SLC16A7: variants seen among roughly 807,000 people sequenced by gnomAD.
SLC16A7 encodes solute carrier family 16 member 7.
In SLC16A7, 33 loss-of-function variants were observed where a neutral mutation model predicts 34.9. The observed-to-expected ratio is 0.94, with a 90% confidence interval of 0.72 to 1.26. SLC16A7 has a LOEUF of 1.26. Among genes scored for constraint, SLC16A7 ranks in the 50% most tolerant of loss-of-function variants. The pLI, the probability that SLC16A7 is intolerant of heterozygous loss-of-function variation, is 0.00. For missense variants in SLC16A7, 573 were observed against 578.1 expected (o/e 0.99, Z 0.09); for synonymous variants, 201 against 206.6 (o/e 0.97, Z 0.23).
At position 59,771,332 on chromosome 12, in the gene SLC16A7, C is replaced by T; in HGVS notation, c.331C>T (p.Gln111Ter). The change falls in exon 4 of 6, where the codon CAG becomes TAG. Residue 111 changes from glutamine to a stop codon, truncating the protein, a stop_gained. Coordinates refer to ENST00000547379, the MANE Select transcript of SLC16A7 (RefSeq NM_001270623.2). LOFTEE classifies it high-confidence loss of function. The stretch of plus-strand genomic sequence containing the variant: ...GGCCTCCTTTAGTAGCAGCGTGGTA[C>T]AGCTGTACCTCACTATGGGATTCAT... ...VLASFSSSVVQLYLTMGFITG... is the reference protein window; with the variant it reads ...VLASFSSSVV 6.2e-7 allele frequency: 1 copy of T among 1,610,952 alleles called. No homozygotes were observed. The highest frequency in any genetic ancestry group is 8.5e-7 in the Non-Finnish European group (1 of 1,178,440).
chr12:59,778,135 T>C, intron 5 of SLC16A7, among the ~76,000 whole-genome samples: 1 of 152,138 alleles, frequency 6.6e-6, no homozygotes, highest in South Asian at 2.1e-4. Flanking sequence ...TTAGAAAGTA[T>C]GCTGATGTGG....
At chr12:59,777,469 G>A (rs1278950272) in intron 5 of SLC16A7, among the ~76,000 whole-genome samples, 1 of 151,984 alleles carries the variant, frequency 6.6e-6, no homozygotes, top group Non-Finnish European at 1.5e-5. Context: ...GGAGTGTGTG[G>A]TTTCTATTTC....
intron 5 of SLC16A7, among the ~76,000 whole-genome samples, chr12:59,778,660 A>T (rs1360047785): frequency 2.6e-5 from 4 of 151,570 alleles, no homozygotes; most frequent in Non-Finnish European, 5.9e-5. Flanking sequence ...TCAATAATCA[A>T]GTGGAATAGT....
chr12:59,665,804 T>TAA (rs1437387667), intron 2 of SLC16A7, among the ~76,000 whole-genome samples: 1 of 143,980 alleles, frequency 6.9e-6, no homozygotes, highest in African/African-American at 2.8e-5. Flanking sequence ...TTTATATATA[T>TAA]AACACGTGTG....
Position 59,782,281 on chromosome 12 carries a change from T to C in SLC16A7, c.*2602T>C, listed in dbSNP as rs1883304996. On this transcript the variant is annotated 3_prime_UTR_variant, in exon 6 of 6. Transcript: ENST00000547379. ...GATTCAGAATTGTTCCAGGGTAATATAAATTATTCTACTTGTTCACTCTCC... is the reference window on the plus strand; with the variant it reads ...GATTCAGAATTGTTCCAGGGTAATACAAATTATTCTACTTGTTCACTCTCC... 1 of 152,166 alleles carries C rather than the reference T, an allele frequency of 6.6e-6. No homozygotes were observed. Among genetic ancestry groups the C allele is most frequent in the Admixed American group, 6.5e-5 (1 of 15,272 alleles). 9.4% of individuals were successfully genotyped at this position (152,166 alleles called of 1,614,324 possible).
At chr12:59,717,709 C>T (rs749268843) in intron 3 of SLC16A7, among the ~76,000 whole-genome samples, 1 of 152,126 alleles carries the variant, frequency 6.6e-6, no homozygotes, top group South Asian at 2.1e-4. Flanking sequence ...AATAGTCTCA[C>T]CTCTGTGCCC....
intron 2 of SLC16A7, among the ~76,000 whole-genome samples, chr12:59,691,585 G>A (rs1305252922): frequency 1.3e-5 from 2 of 151,950 alleles, no homozygotes; most frequent in African/African-American, 4.8e-5. Flanking sequence ...GATACCTCAT[G>A]TTGCTCAGAT....
intron 3 of SLC16A7, among the ~76,000 whole-genome samples, chr12:59,756,353 C>G (rs1278797020): frequency 1.3e-5 from 2 of 152,110 alleles, no homozygotes; most frequent in African/African-American, 4.8e-5. Context: ...TCCCAACCTA[C>G]TCATCTGACA....
At chr12:59,617,984 T>G (rs1169991048) in intron 1 of SLC16A7, among the ~76,000 whole-genome samples, 1 of 152,010 alleles carries the variant, frequency 6.6e-6, no homozygotes, top group East Asian at 1.9e-4. Flanking sequence ...TTTTAATTAC[T>G]GAAATATAGC....
chr12:59,663,597 T>C (rs1027968320), intron 2 of SLC16A7, among the ~76,000 whole-genome samples: 1 of 152,136 alleles, frequency 6.6e-6, no homozygotes, highest in Non-Finnish European at 1.5e-5. Context: ...TCTCAGTAAA[T>C]ATATAGACTG....
chr12:59,764,358 T>A lies in SLC16A7; in HGVS notation c.218-6861T>A, dbSNP rs573005310. The stretch of plus-strand genomic sequence containing the variant: ...TTTTTTATTATTATTATACTTTAAG[T>A]TTTAGAGTACATGTGCACAACGTGC... On this transcript the variant is annotated intron_variant, in intron 3 of 5. Transcript: ENST00000547379. 1.4e-3 allele frequency among the ~76,000 whole-genome samples: 209 copies of A among 152,292 alleles called. 1 individual carries two copies. The highest frequency in any genetic ancestry group is 6.8e-3 in the Middle Eastern group (2 of 294).
At chr12:59,700,425 A>G (rs562057167) in intron 2 of SLC16A7, among the ~76,000 whole-genome samples, 1 of 150,504 alleles carries the variant, frequency 6.6e-6, no homozygotes, top group African/African-American at 2.4e-5. Context: ...TATATATGTC[A>G]TATGCATATT....
chr12:59,748,951 TA>T (rs898680273), intron 3 of SLC16A7, among the ~76,000 whole-genome samples: 22 of 152,158 alleles, frequency 1.4e-4, no homozygotes, highest in Non-Finnish European at 2.5e-4. Context: ...GATTTGGCTT[TA>T]AAAAATGTCA....
chr12:59,655,786 T>G (rs1201904465), intron 2 of SLC16A7, among the ~76,000 whole-genome samples: 1 of 151,828 alleles, frequency 6.6e-6, no homozygotes, highest in Non-Finnish European at 1.5e-5. Context: ...GATTTAATCC[T>G]TCATACAATC....
intron 1 of SLC16A7, among the ~76,000 whole-genome samples, chr12:59,611,114 C>A (rs1879173173): frequency 6.6e-6 from 1 of 152,138 alleles, no homozygotes; most frequent in African/African-American, 2.4e-5. Context: ...GAGGTATCTA[C>A]CATTAGGACT....
chr12:59,602,149 A>C (rs1326993612), intron 1 of SLC16A7, among the ~76,000 whole-genome samples: 2 of 152,210 alleles, frequency 1.3e-5, no homozygotes, highest in Non-Finnish European at 2.9e-5. Flanking sequence ...AGTACTTTCA[A>C]AATTATTTTG....
intron 3 of SLC16A7, among the ~76,000 whole-genome samples, chr12:59,730,306 A>T (rs1288657099): frequency 6.6e-6 from 1 of 151,214 alleles, no homozygotes; most frequent in Non-Finnish European, 1.5e-5. Context: ...GTCCACATGG[A>T]TAGTCTTATG....
At chr12:59,662,196 T>C (rs1868888863) in intron 2 of SLC16A7, among the ~76,000 whole-genome samples, 1 of 152,104 alleles carries the variant, frequency 6.6e-6, no homozygotes, top group South Asian at 2.1e-4. Flanking sequence ...AGCTTGGATT[T>C]TGCACATTAA....
At chr12:59,761,385 A>G (rs1036617123) in intron 3 of SLC16A7, among the ~76,000 whole-genome samples, 7 of 152,278 alleles carry the variant, frequency 4.6e-5, no homozygotes, top group Admixed American at 2.6e-4. Flanking sequence ...GTAATGGCAC[A>G]TATAAAATCT....
Sources: allele counts gnomAD v4.1 joint callset (sites outside exome capture counted in the v4.1 genomes callset), GRCh38; gene constraint gnomAD v4.1.1; transcripts MANE v1.5; gene names NCBI Gene and HGNC (gene_info 2026-07-23, HGNC 2026-07-21).